TUT4: variants seen among roughly 807,000 people sequenced by gnomAD.
The protein encoded by TUT4 is terminal uridylyltransferase 4.
In TUT4, 36 loss-of-function variants were observed where a neutral mutation model predicts 192.2. The observed-to-expected ratio is 0.19, with a 90% CI of 0.14 to 0.25. The LOEUF (loss-of-function observed/expected upper bound fraction) is 0.25. Among genes scored for constraint, TUT4 ranks in the 10% least tolerant of loss-of-function variants. The pLI is 1.00. For synonymous variants in TUT4, 618 were observed against 666.0 expected, an observed-to-expected ratio of 0.93 and a Z score of 1.11; for missense variants, 1,493 against 1,957.2, an observed-to-expected ratio of 0.76 and a Z score of 4.47.
chr1:52,534,172 C>T (rs947633137), intron 1 of TUT4, among the ~76,000 whole-genome samples: 5 of 152,066 alleles, frequency 3.3e-5, no homozygotes, highest in Non-Finnish European at 7.4e-5. Context: ...GCCCCGTCCC[C>T]TCTCCTTCCC....
At chr1:52,444,199 A>C (rs1282897050) in intron 24 of TUT4, among the ~76,000 whole-genome samples, 1 of 152,098 alleles carries the variant, frequency 6.6e-6, no homozygotes, top group African/African-American at 2.4e-5. Context: ...ACGCCACTGC[A>C]CTCCAGCCTG....
chr1:52,424,088 CTTTT>C (rs1001050497), intron 29 of TUT4, 86 bp from the exon 30 acceptor site: 1 of 1,363,758 alleles, frequency 7.3e-7, no homozygotes, highest in Non-Finnish European at 1.0e-6. Context: ...AGTTAGCTTT[CTTTT>C]TTTCTATTTA....
intron 14 of TUT4, 28 bp from the exon 15 acceptor site, chr1:52,468,295 A>G: frequency 6.6e-7 from 1 of 1,525,500 alleles, no homozygotes; most frequent in Non-Finnish European, 8.8e-7. Context: ...AGAAAAAAGG[A>G]AAAAGAAAAG....
At position 52,531,035 on chromosome 1, in the gene TUT4, T is replaced by G. The variant is rs533379194; in HGVS notation, c.-93-4662A>C. 7.9e-5 allele frequency among the ~76,000 whole-genome samples: 12 copies of G among 152,006 alleles called. No individual in the cohort carries two copies. The South Asian group carries it at 2.3e-3, about 29-fold the overall frequency. On this transcript the variant is annotated intron_variant, in intron 1 of 29. Transcript: ENST00000257177. ...AGAAAAGAAATGAAGGCTCACTGCT[T>G]CCCCTGCACACTTTACTTGGTTGAA...
intron 1 of TUT4, among the ~76,000 whole-genome samples, chr1:52,532,576 G>A (rs1264739533): frequency 1.3e-5 from 2 of 152,134 alleles, no homozygotes; most frequent in Non-Finnish European, 2.9e-5. Flanking sequence ...CTACCCAAGT[G>A]CCGGGATTAC....
intron 20 of TUT4, 84 bp downstream of exon 20, chr1:52,458,249 CATG>C: frequency 1.2e-6 from 1 of 833,190 alleles, no homozygotes; most frequent in Non-Finnish European, 1.9e-6. Flanking sequence ...AAAAATCCTT[CATG>C]ATGACATGAA....
intron 4 of TUT4, among the ~76,000 whole-genome samples, chr1:52,498,902 TTATATATATATATATATATA>T (rs60991652): frequency 0.14 from 3,142 of 23,268 alleles, 753 homozygotes; most frequent in Non-Finnish European, 0.17. Context: ...AAAAAAAAAA[TTATATATATATATATATATA>T]TATATATATA....
chr1:52,447,139 A>T (rs1161658340), intron 20 of TUT4, among the ~76,000 whole-genome samples: 1 of 152,136 alleles, frequency 6.6e-6, no homozygotes, highest in South Asian at 2.1e-4. Context: ...AAGCAATTGG[A>T]CTATCATTTT....
rs1681652997 is a variant in TUT4 at position 52,525,991 on chromosome 1, T to C, written c.290A>G (p.Lys97Arg). The stretch of plus-strand genomic sequence containing the variant: ...CGGTGAATTAGGAAATTTTTTTGCT[T>C]TGCAATGACTTTGATCTCGAAGGAC... ...GLVLRDQSHCKAKKFPNSPVK... is the reference protein window; with the variant it reads ...GLVLRDQSHCRAKKFPNSPVK... The change falls in exon 2 of 30, where the codon AAA becomes AGA. Residue 97 changes from lysine to arginine, a missense_variant. Transcript: ENST00000257177. 1 of 1,614,186 alleles carries C rather than the reference T, an allele frequency of 6.2e-7. No homozygotes were observed. Among genetic ancestry groups the C allele is most frequent in the South Asian group, 1.1e-5 (1 of 91,076 alleles).
intron 24 of TUT4, among the ~76,000 whole-genome samples, chr1:52,439,068 T>TTA (rs1406447765): frequency 3.8e-5 from 3 of 79,292 alleles, no homozygotes; most frequent in Admixed American, 1.5e-4. Context: ...AGACTCCATC[T>TTA]AAAAAAAAAA....
At chr1:52,439,683 A>C (rs1473325696) in intron 24 of TUT4, among the ~76,000 whole-genome samples, 1 of 152,260 alleles carries the variant, frequency 6.6e-6, no homozygotes, top group East Asian at 1.9e-4. Flanking sequence ...GCTGGTGGGA[A>C]TGTAAAGTAG....
At chr1:52,540,494 G>T (rs1166091846) in intron 1 of TUT4, among the ~76,000 whole-genome samples, 1 of 139,378 alleles carries the variant, frequency 7.2e-6, no homozygotes, top group Middle Eastern at 3.3e-3. Flanking sequence ...CAGCCTGGGC[G>T]AAAGAGCAAG....
chr1:52,488,590 A>C (rs1282393257), intron 9 of TUT4, among the ~76,000 whole-genome samples: 4 of 152,232 alleles, frequency 2.6e-5, no homozygotes, highest in Non-Finnish European at 5.9e-5. Context: ...AAACCTTACA[A>C]GTTTAACTTA....
intron 2 of TUT4, among the ~76,000 whole-genome samples, chr1:52,518,170 C>G (rs1293907932): frequency 6.6e-6 from 1 of 152,046 alleles, no homozygotes; most frequent in Non-Finnish European, 1.5e-5. Context: ...TTCACAATAG[C>G]CAAAGATGGA....
intron 20 of TUT4, among the ~76,000 whole-genome samples, chr1:52,456,686 T>C (rs1329140216): frequency 6.6e-6 from 1 of 151,530 alleles, no homozygotes; most frequent in Non-Finnish European, 1.5e-5. Flanking sequence ...TTGCCAGGGG[T>C]TGAGGGGAGG....
intron 24 of TUT4, among the ~76,000 whole-genome samples, chr1:52,442,605 CCA>C (rs1324258135): frequency 2.6e-5 from 4 of 152,132 alleles, no homozygotes; most frequent in African/African-American, 7.2e-5. Context: ...CTCAAATGCT[CCA>C]CATAAGCATT....
chr1:52,552,380 A>G (rs765270214), intron 1 of TUT4, among the ~76,000 whole-genome samples: 3 of 152,126 alleles, frequency 2.0e-5, no homozygotes, highest in Non-Finnish European at 4.4e-5. Context: ...GGGAGAGAGA[A>G]GGCGGGCGAG....
chr1:52,496,882 C>A, intron 5 of TUT4, 124 bp downstream of exon 5: 1 of 946,322 alleles, frequency 1.1e-6, no homozygotes, highest in Non-Finnish European at 1.5e-6. Context: ...ATTCATAAAA[C>A]AATAAATTTT....
intron 11 of TUT4, among the ~76,000 whole-genome samples, chr1:52,480,591 T>C (rs1012800495): frequency 6.6e-6 from 1 of 152,214 alleles, no homozygotes; most frequent in African/African-American, 2.4e-5. Context: ...CAGATTTTTC[T>C]TACAGTGGGA....
Sources: gnomAD v4.1 joint callset for allele counts (sites outside exome capture counted in the v4.1 genomes callset) on GRCh38, gnomAD v4.1.1 for gene constraint, MANE v1.5 for transcripts, NCBI Gene and HGNC (gene_info 2026-07-23, HGNC 2026-07-21) for gene names.